CUBN: variants seen among roughly 807,000 people sequenced by gnomAD.
The protein encoded by CUBN is cubilin.
In CUBN, 282 loss-of-function variants were observed where a neutral mutation model predicts 405.3. The observed-to-expected ratio is 0.70, with a 90% CI of 0.63 to 0.77. The LOEUF is 0.77. Among genes scored for constraint, CUBN ranks in the 30% least tolerant of loss-of-function variants. The pLI, the probability that CUBN is intolerant of heterozygous loss-of-function variation, is 0.00. For synonymous variants in CUBN, 1,684 were observed against 1,617.0 expected, an observed-to-expected ratio of 1.04 and a Z score of -0.99; for missense variants, 4,514 against 4,475.2, an observed-to-expected ratio of 1.01 and a Z score of -0.25.
chr10:17,049,277 T>C (rs919529978), intron 22 of CUBN, among the ~76,000 whole-genome samples: 2 of 152,176 alleles, frequency 1.3e-5, no homozygotes, highest in Admixed American at 6.5e-5. Flanking sequence ...TGACCCAGTA[T>C]CCCTGAGTTG....
At chr10:17,088,956 CT>C (rs1836191130) in intron 14 of CUBN, among the ~76,000 whole-genome samples, 1 of 152,174 alleles carries the variant, frequency 6.6e-6, no homozygotes, top group Non-Finnish European at 1.5e-5. Context: ...CATCGGCCCC[CT>C]AACGTTGCTG....
chr10:17,031,784 C>A (rs1349043983), intron 27 of CUBN, among the ~76,000 whole-genome samples: 2 of 152,166 alleles, frequency 1.3e-5, no homozygotes, highest in Non-Finnish European at 2.9e-5. Context: ...TACCTTTAAA[C>A]CAAGCAATTT....
At chr10:17,087,818 T>G (rs1836157630) in intron 15 of CUBN, among the ~76,000 whole-genome samples, 1 of 152,266 alleles carries the variant, frequency 6.6e-6, no homozygotes, top group Middle Eastern at 3.4e-3. Flanking sequence ...ACCTTGCCAG[T>G]TTACCACAGA....
At chr10:16,877,631 T>C (rs920389065) in intron 56 of CUBN, among the ~76,000 whole-genome samples, 1 of 152,218 alleles carries the variant, frequency 6.6e-6, no homozygotes, top group Non-Finnish European at 1.5e-5. Flanking sequence ...CATGGAGATA[T>C]CATTAGAAAC....
chr10:16,888,986 T>C (rs890501632), intron 55 of CUBN, among the ~76,000 whole-genome samples: 1 of 152,220 alleles, frequency 6.6e-6, no homozygotes, highest in African/African-American at 2.4e-5. Context: ...AAACTGCTAT[T>C]TTCATTACCA....
In CUBN at chr10:16,933,122, C is replaced by T. The variant is rs143400113; in HGVS notation, c.6089G>A (p.Arg2030Gln). ...CACAAGGCTATCATAGGCACACGTT[C>T]GGTGAGATTCAATGTCCAGGGAAAG... Reference protein sequence around the residue: ...NILSLDIESHRTCAYDSLVIR... With the variant: ...NILSLDIESHQTCAYDSLVIR... The change falls in exon 40 of 67, where the codon CGA (arginine) becomes CAA (glutamine). Residue 2030 changes from arginine (R) to glutamine (Q), a missense_variant. Arg to Gln is a conservative substitution (Grantham distance 43, BLOSUM62 1). Transcript: ENST00000377833. 420 of 1,613,976 alleles carry T rather than the reference C, an allele frequency of 2.6e-4. 3 individuals carry two copies. In the East Asian group the frequency reaches 6.1e-3, roughly 23 times the overall value.
chr10:16,869,524 C>G, intron 59 of CUBN, 112 bp downstream of exon 59: 2 of 823,222 alleles, frequency 2.4e-6, no homozygotes, highest in South Asian at 2.7e-5. Flanking sequence ...TTCTTCTAAG[C>G]TTCAAGGAAA....
chr10:16,889,386 A>C (rs1214102259), intron 55 of CUBN, among the ~76,000 whole-genome samples: 1 of 152,130 alleles, frequency 6.6e-6, no homozygotes, highest in African/African-American at 2.4e-5. Flanking sequence ...ACTTTTCCCT[A>C]AACAGTGGTT....
At chr10:17,013,042 C>T (rs1834226803) in intron 28 of CUBN, among the ~76,000 whole-genome samples, 1 of 152,160 alleles carries the variant, frequency 6.6e-6, no homozygotes, top group Admixed American at 6.5e-5. Flanking sequence ...TTTACACTGA[C>T]AACAAGGTGG....
intron 48 of CUBN, among the ~76,000 whole-genome samples, chr10:16,909,209 T>C (rs1168740548): frequency 1.3e-5 from 2 of 152,200 alleles, no homozygotes; most frequent in African/African-American, 4.8e-5. Flanking sequence ...TTAAATTTAC[T>C]ATAATTAATC....
At chr10:16,901,085 T>A (rs888953244) in intron 52 of CUBN, among the ~76,000 whole-genome samples, 1 of 152,196 alleles carries the variant, frequency 6.6e-6, no homozygotes, top group African/African-American at 2.4e-5. Flanking sequence ...CTGAATACAC[T>A]TCTCTCTAAG....
chr10:17,127,425 C>A (rs1322549172), intron 3 of CUBN, among the ~76,000 whole-genome samples: 1 of 145,244 alleles, frequency 6.9e-6, no homozygotes, highest in Admixed American at 7.0e-5. Flanking sequence ...GCCACCATGC[C>A]CAGCTATTTT....
intron 9 of CUBN, 72 bp downstream of exon 9, chr10:17,110,847 C>G: frequency 6.2e-7 from 1 of 1,604,346 alleles, no homozygotes; most frequent in East Asian, 2.2e-5. Context: ...AAATGGAGCA[C>G]TAGATTCCGT....
rs776917044 is a variant in CUBN at position 16,836,277 on chromosome 10, C to G, written c.10138G>C (p.Val3380Leu). 5.0e-6 allele frequency: 8 copies of G among 1,613,802 alleles called. No homozygotes were observed. The highest frequency in any genetic ancestry group is 6.8e-6 in the Non-Finnish European group (8 of 1,179,782). Residue 3380 changes from valine (V) to leucine (L), a missense_variant, in exon 63 of 67, where the codon GTA becomes CTA. Physicochemically the swap from Val to Leu is conservative, Grantham distance 32. This residue lies in a region of CUBN where 1,186 missense variants were observed against 1,186.9 expected (regional missense o/e 1.00). Coordinates refer to ENST00000377833, the MANE Select transcript of CUBN (RefSeq NM_001081.4). Reference protein sequence around the residue: ...TAMVIFKSGVVNRNSRMSFTY... With the variant: ...TAMVIFKSGVLNRNSRMSFTY... ...AAACTCATTCTAGAGTTTCTGTTTA[C>G]AACTCCAGATTTGAAAATGACCATT...
chr10:16,845,105 TCTG>T (rs1839475348), intron 60 of CUBN, among the ~76,000 whole-genome samples: 1 of 152,238 alleles, frequency 6.6e-6, no homozygotes, highest in African/African-American at 2.4e-5. Flanking sequence ...GCAGGCAGGC[TCTG>T]CTACAACCAC....
intron 31 of CUBN, chr10:16,966,000 T>G (rs1372460912): frequency 2.1e-6 from 1 of 471,020 alleles, no homozygotes; most frequent in Non-Finnish European, 4.4e-6. Flanking sequence ...TGAAATCAAG[T>G]TGTATTCATT....
intron 10 of CUBN, 56 bp downstream of exon 10, chr10:17,109,584 T>A: frequency 3.0e-6 from 4 of 1,354,808 alleles, no homozygotes; most frequent in Non-Finnish European, 4.2e-6. Flanking sequence ...GATGTTGAAT[T>A]GGTTTAGAAG....
intron 62 of CUBN, among the ~76,000 whole-genome samples, chr10:16,839,889 A>G (rs1421345898): frequency 2.0e-5 from 3 of 152,128 alleles, no homozygotes; most frequent in Non-Finnish European, 4.4e-5. Flanking sequence ...TGCAGCCATA[A>G]AAAATGATGA....
At chr10:16,949,434 G>GGTGTGT (rs59878960) in intron 34 of CUBN, among the ~76,000 whole-genome samples, 1,766 of 108,842 alleles carry the variant, frequency 0.016, 30 homozygotes, top group African/African-American at 0.053. Context: ...TAAATGGCCT[G>GGTGTGT]GTGTGTGTGT....
Sources: allele counts gnomAD v4.1 joint callset (sites outside exome capture counted in the v4.1 genomes callset), GRCh38; gene constraint gnomAD v4.1.1; regional missense constraint gnomAD v4.1.1; transcripts MANE v1.5; gene names NCBI Gene and HGNC (gene_info 2026-07-23, HGNC 2026-07-21).